The following NEGR1 variants were observed in gnomAD, a reference collection of about 807,000 sequenced individuals.
NEGR1 encodes the protein neuronal growth regulator 1, also known as IgLON family member 4.
In NEGR1, 10 loss-of-function variants were observed where a neutral mutation model predicts 40.9. The observed-to-expected ratio is 0.24, with a 90% CI of 0.15 to 0.42. NEGR1 has a LOEUF of 0.42. NEGR1 is among the 10% of genes least tolerant of loss of function. The pLI is 1.00. For synonymous variants in NEGR1, 185 were observed against 166.8 expected (o/e 1.11, Z -0.84); for missense variants, 352 against 438.9 (o/e 0.80, Z 1.77).
At chr1:71,872,255 A>G (rs535227519) in intron 2 of NEGR1, among the ~76,000 whole-genome samples, 1 of 152,324 alleles carries the variant, frequency 6.6e-6, no homozygotes, top group African/African-American at 2.4e-5. Flanking sequence ...GTGGTAGACT[A>G]TGATTTTCTG....
chr1:71,621,354 G>A (rs1650601560), intron 4 of NEGR1, among the ~76,000 whole-genome samples: 1 of 151,802 alleles, frequency 6.6e-6, no homozygotes, highest in Admixed American at 6.6e-5. Context: ...AAAAGTGTAT[G>A]TAACACAAAG....
intron 6 of NEGR1, among the ~76,000 whole-genome samples, chr1:71,412,494 C>T (rs1646329833): frequency 6.6e-6 from 1 of 152,148 alleles, no homozygotes; most frequent in African/African-American, 2.4e-5. Flanking sequence ...AGTTATGGAA[C>T]ATTCCTCCTT....
intron 3 of NEGR1, among the ~76,000 whole-genome samples, chr1:71,700,267 A>G (rs931059833): frequency 2.0e-5 from 3 of 152,030 alleles, no homozygotes; most frequent in East Asian, 1.9e-4. Flanking sequence ...TATGATAGTT[A>G]AAGAGATTAA....
At chr1:71,754,031 G>A (rs1163607628) in intron 3 of NEGR1, among the ~76,000 whole-genome samples, 1 of 152,164 alleles carries the variant, frequency 6.6e-6, no homozygotes, top group African/African-American at 2.4e-5. Flanking sequence ...TCAGGATAAA[G>A]CAATGGAACA....
At chr1:71,908,184 A>T (rs1167769482) in intron 2 of NEGR1, among the ~76,000 whole-genome samples, 1 of 151,522 alleles carries the variant, frequency 6.6e-6, no homozygotes, top group African/African-American at 2.4e-5. Context: ...TAAAAATGAT[A>T]TAAAATAGAA....
intron 1 of NEGR1, among the ~76,000 whole-genome samples, chr1:72,270,656 A>G (rs1323526546): frequency 1.3e-5 from 2 of 151,874 alleles, no homozygotes; most frequent in African/African-American, 4.8e-5. Context: ...CTGTCATTAC[A>G]TATTTCTAAT....
intron 4 of NEGR1, among the ~76,000 whole-genome samples, chr1:71,652,089 T>C (rs1651735910): frequency 6.6e-6 from 1 of 152,160 alleles, no homozygotes; most frequent in South Asian, 2.1e-4. Context: ...AACATACCCA[T>C]AAAACCCATA....
chr1:72,131,480 A>G (rs1650247284), intron 1 of NEGR1, among the ~76,000 whole-genome samples: 1 of 152,200 alleles, frequency 6.6e-6, no homozygotes, highest in African/African-American at 2.4e-5. Flanking sequence ...AGGGCATAAT[A>G]TTCTCACAAA....
intron 3 of NEGR1, among the ~76,000 whole-genome samples, chr1:71,733,575 A>G (rs952845839): frequency 2.0e-5 from 3 of 152,168 alleles, no homozygotes; most frequent in African/African-American, 4.8e-5. Flanking sequence ...GCTTCATACT[A>G]TACTTTCTAC....
intron 4 of NEGR1, among the ~76,000 whole-genome samples, chr1:71,685,653 G>C (rs995299479): frequency 2.0e-5 from 3 of 152,086 alleles, no homozygotes; most frequent in South Asian, 2.1e-4. Context: ...AGATAACATA[G>C]AGCGTGCTTT....
At chr1:71,433,994 A>C (rs1186954042) in intron 6 of NEGR1, among the ~76,000 whole-genome samples, 1 of 152,250 alleles carries the variant, frequency 6.6e-6, no homozygotes, top group Non-Finnish European at 1.5e-5. Context: ...AATAAGTTAG[A>C]AATAAGCCTT....
chr1:71,536,246 T>C (rs1460966948), intron 6 of NEGR1, among the ~76,000 whole-genome samples: 1 of 151,716 alleles, frequency 6.6e-6, no homozygotes, highest in Non-Finnish European at 1.5e-5. Context: ...GGCTTGCATA[T>C]GGTATGTTTT....
chr1:72,124,994 A>T (rs145570244), intron 1 of NEGR1, among the ~76,000 whole-genome samples: 2 of 152,130 alleles, frequency 1.3e-5, no homozygotes, highest in African/African-American at 4.8e-5. Flanking sequence ...GCGTATATAA[A>T]AGTCAAAAGT....
At chr1:71,988,395 C>A (rs558901660) in intron 1 of NEGR1, among the ~76,000 whole-genome samples, 30 of 151,484 alleles carry the variant, frequency 2.0e-4, no homozygotes, top group Admixed American at 6.6e-4. Context: ...AAAAATTAGC[C>A]GGGCGCGGTG....
At chr1:72,091,375 C>T (rs556556060) in intron 1 of NEGR1, among the ~76,000 whole-genome samples, 17 of 142,666 alleles carry the variant, frequency 1.2e-4, no homozygotes, top group African/African-American at 3.2e-4. Flanking sequence ...TCCCTCCCTC[C>T]GTTCCTCCTT....
chr1:71,428,693 A>G (rs1359469305), intron 6 of NEGR1, among the ~76,000 whole-genome samples: 1 of 149,882 alleles, frequency 6.7e-6, no homozygotes, highest in Admixed American at 6.7e-5. Context: ...TATTATATAA[A>G]TTTATTTACT....
At chr1:71,833,573 G>A (rs573813557) in intron 2 of NEGR1, among the ~76,000 whole-genome samples, 2 of 152,068 alleles carry the variant, frequency 1.3e-5, no homozygotes, top group Non-Finnish European at 2.9e-5. Context: ...TGCATTTTGA[G>A]TTGGTGGTTC....
rs1489991745 is a variant in NEGR1, at chr1:72,184,235, G to A, written c.176+98084C>T. 2.0e-5 allele frequency among the ~76,000 whole-genome samples: 3 copies of A among 152,180 alleles called. No homozygotes were observed. The East Asian group carries it at 5.8e-4, about 29-fold the overall frequency. ...AAACAGAGAGTAAGTTTAGCATAGT[G>A]ATTCTTCTCTGTGCTCAGTGAAGTC... On this transcript the variant is annotated intron_variant, in intron 1 of 6. Coordinates refer to ENST00000357731, the MANE Select transcript of NEGR1 (RefSeq NM_173808.3).
At chr1:71,505,776 C>G (rs962761759) in intron 6 of NEGR1, among the ~76,000 whole-genome samples, 2 of 152,136 alleles carry the variant, frequency 1.3e-5, no homozygotes, top group Non-Finnish European at 2.9e-5. Flanking sequence ...ATGGAAGCCC[C>G]AAACTCATTT....
Sources: gnomAD v4.1 joint callset for allele counts (sites outside exome capture counted in the v4.1 genomes callset) on GRCh38, gnomAD v4.1.1 for gene constraint, MANE v1.5 for transcripts, NCBI Gene and HGNC (gene_info 2026-07-23, HGNC 2026-07-21) for gene names.